The following FAT4 variants were observed in gnomAD, a reference collection of about 807,000 sequenced individuals.
The protein encoded by FAT4 is protocadherin Fat 4.
In FAT4, 84 loss-of-function variants were observed where a neutral mutation model predicts 303.9. The observed-to-expected ratio is 0.28, with a 90% CI of 0.23 to 0.33. The LOEUF is 0.33. FAT4 is among the 10% of genes least tolerant of loss of function. The probability of loss-of-function intolerance (pLI) is 1.00; values close to 1 mark genes in which losing one functional copy is unlikely to be tolerated. For synonymous variants in FAT4, 2,307 were observed against 2,298.8 expected (o/e 1.00, Z -0.10); for missense variants, 6,005 against 6,146.8 (o/e 0.98, Z 0.77).
At chr4:125,396,575 C>A (rs986737844) in intron 2 of FAT4, among the ~76,000 whole-genome samples, 1 of 152,006 alleles carries the variant, frequency 6.6e-6, no homozygotes, top group African/African-American at 2.4e-5. Flanking sequence ...CACATACTTA[C>A]ATAAACACAC....
At chr4:125,405,636 G>A (rs964530044) in intron 3 of FAT4, among the ~76,000 whole-genome samples, 2 of 151,588 alleles carry the variant, frequency 1.3e-5, no homozygotes, top group South Asian at 2.1e-4. Context: ...TCAGCCTCCC[G>A]AGTAGCTGGG....
In FAT4 at chr4:125,331,938, G is replaced by C. The variant is rs930574369; in HGVS notation, c.5175+10352G>C. Among the ~76,000 whole-genome samples, 4 of 152,180 alleles carry C rather than the reference G, an allele frequency of 2.6e-5. No individual in the cohort carries two copies. The South Asian group carries it at 6.2e-4, about 24-fold the overall frequency. On this transcript the variant is annotated intron_variant, in intron 2 of 17. Coordinates refer to ENST00000394329, the MANE Select transcript of FAT4 (RefSeq NM_001291303.3). ...CAGGCTTTTGATTTAAGAGAAGCTT[G>C]ATTCAGATGTTGTCACAGCTACTCT...
rs766243602 is a variant in FAT4 at position 125,317,791 on chromosome 4, C to T, written c.1380C>T (p.Ser460=). Residue 460 remains serine (S), a synonymous_variant, in exon 2 of 18, where the codon AGC becomes AGT. Transcript: ENST00000394329. This position sits in a 1 kb window ranked among gnomAD's most constrained non-coding sequence, Gnocchi z 7.0. The stretch of plus-strand genomic sequence containing the variant: ...TCCAGGCGCGCTCTTCTGTGGCAAG[C>T]CTGGTGATTTTTGTTAATGACATCA... The part of the protein sequence containing the change: ...AAVQARSSVA[S]LVIFVNDIND... 47 of 1,614,064 alleles carry T rather than the reference C, an allele frequency of 2.9e-5. No individual in the cohort carries two copies. The highest frequency in any genetic ancestry group is 3.8e-5 in the Non-Finnish European group (45 of 1,180,030).
At chr4:125,406,033 T>G (rs907560337) in intron 3 of FAT4, among the ~76,000 whole-genome samples, 6 of 152,152 alleles carry the variant, frequency 3.9e-5, no homozygotes, top group African/African-American at 1.4e-4. Context: ...TTGATATACT[T>G]TCACTTGTCT....
intron 11 of FAT4, among the ~76,000 whole-genome samples, chr4:125,467,392 A>G (rs183123705): frequency 6.6e-6 from 1 of 152,364 alleles, no homozygotes; most frequent in East Asian, 1.9e-4. Context: ...AGCCAAAATT[A>G]AGAAATGAAA....
intron 2 of FAT4, among the ~76,000 whole-genome samples, chr4:125,379,641 G>C (rs1733463454): frequency 6.6e-6 from 1 of 151,676 alleles, no homozygotes; most frequent in African/African-American, 2.4e-5. Flanking sequence ...TGTATTTTTA[G>C]TGGAGACATG....
In FAT4 at chr4:125,463,582, A is replaced by T. The variant is rs17009721; in HGVS notation, c.11820A>T (p.Ser3940=). The stretch of plus-strand genomic sequence containing the variant: ...TTTTAGGGAAAATGTGTGAATCTTC[A>T]GTCAATTACTGTGAATGCAACCCCT... The part of the protein sequence containing the change: ...TGYTGKMCES[S]VNYCECNPCF... The change falls in exon 11 of 18, where the codon TCA becomes TCT. Residue 3940 remains serine (S), a synonymous_variant. Coordinates refer to ENST00000394329, the MANE Select transcript of FAT4 (RefSeq NM_001291303.3). 3.2e-6 allele frequency: 5 copies of T among 1,585,670 alleles called. 1 individual carries two copies. Among genetic ancestry groups the T allele is most frequent in the Non-Finnish European group, 4.3e-6 (5 of 1,162,942 alleles).
At chr4:125,444,182 C>T (rs568190529) in intron 8 of FAT4, among the ~76,000 whole-genome samples, 3 of 152,200 alleles carry the variant, frequency 2.0e-5, no homozygotes, top group African/African-American at 7.2e-5. Context: ...GCTATAGCTA[C>T]AGACTGGGTA....
chr4:125,316,853 A>C lies in FAT4; in HGVS notation c.442A>C (p.Ser148Arg), dbSNP rs1164737344. ...TATCGTGGTCACTTTCAAGGAAGAC[A>C]GTAGCAGCGGACGCCAAGTCATCTT... ...PSIVVTFKEDSSSGRQVILDT... is the reference protein window; with the variant it reads ...PSIVVTFKEDRSSGRQVILDT... The change falls in exon 2 of 18, where the codon AGT (serine) becomes CGT (arginine). Residue 148 changes from serine to arginine, a missense_variant. By Grantham distance (110) the Ser-to-Arg change is moderately radical. Transcript: ENST00000394329. This position sits in a 1 kb window ranked among gnomAD's most constrained non-coding sequence, Gnocchi z 5.7. 6.2e-7 allele frequency: 1 copy of C among 1,614,110 alleles called. No individual in the cohort carries two copies. Among genetic ancestry groups the C allele is most frequent in the South Asian group, 1.1e-5 (1 of 91,076 alleles).
intron 12 of FAT4, among the ~76,000 whole-genome samples, chr4:125,470,366 C>T (rs1726814671): frequency 6.6e-6 from 1 of 152,168 alleles, no homozygotes; most frequent in African/African-American, 2.4e-5. Context: ...GAGAGTCAGC[C>T]TATCCTTTGA....
At chr4:125,337,381 T>C (rs1731615754) in intron 2 of FAT4, among the ~76,000 whole-genome samples, 1 of 152,084 alleles carries the variant, frequency 6.6e-6, no homozygotes, top group Non-Finnish European at 1.5e-5. Context: ...AAATTTATTT[T>C]TTAAGGGTTG....
In FAT4 at chr4:125,320,628, T is replaced by C; in HGVS notation, c.4217T>C (p.Val1406Ala). 1 of 1,614,060 alleles carries C rather than the reference T, an allele frequency of 6.2e-7. No individual in the cohort carries two copies. Residue 1406 changes from valine (V) to alanine (A), a missense_variant, in exon 2 of 18, where the codon GTG becomes GCG. Val to Ala is a moderately conservative substitution (Grantham distance 64). Coordinates refer to ENST00000394329, the MANE Select transcript of FAT4 (RefSeq NM_001291303.3). The part of the protein sequence containing the change: ...GRPPRSSTMS[V>A]VIHVRDFNDN... ...CCTCCTCGTTCATCTACAATGTCAG[T>C]GGTTATTCACGTGAGGGACTTTAAT...
In FAT4 at chr4:125,407,111, T is replaced by C. The variant is rs772015752; in HGVS notation, c.5539T>C (p.Ser1847Pro). 3.7e-6 allele frequency: 6 copies of C among 1,613,438 alleles called. No individual in the cohort carries two copies. The highest frequency in any genetic ancestry group is 5.1e-6 in the Non-Finnish European group (6 of 1,179,512). ...HTPKFSRPVY[S>P]FDIPEDTIPG... ...ACCCAAATTTTCCAGACCCGTGTAC[T>C]CTTTTGACATTCCTGAGGACACAAT... Residue 1847 changes from serine to proline, a missense_variant, in exon 4 of 18, where the codon TCT becomes CCT. Physicochemically the swap from Ser to Pro is moderately conservative, Grantham distance 74. Transcript: ENST00000394329.
Position 125,452,084 on chromosome 4 carries a change from C to T in FAT4, c.11074C>T (p.His3692Tyr), listed in dbSNP as rs749981245. ...DLTVLSNDGV[H>Y]STVTSNIRVF... The stretch of plus-strand genomic sequence containing the variant: ...GACTGTCCTTAGCAATGATGGAGTT[C>T]ACAGCACAGTCACGAGCAACATCCG... The change falls in exon 10 of 18, where the codon CAC becomes TAC. Residue 3692 changes from histidine to tyrosine, a missense_variant. Physicochemically the swap from His to Tyr is moderately conservative, Grantham distance 83. Coordinates refer to ENST00000394329, the MANE Select transcript of FAT4 (RefSeq NM_001291303.3). 14 of 1,614,042 alleles carry T rather than the reference C, an allele frequency of 8.7e-6. No individual in the cohort carries two copies. Among genetic ancestry groups the T allele is most frequent in the Admixed American group, 1.7e-5 (1 of 60,004 alleles).
chr4:125,317,651 G>C lies in FAT4; in HGVS notation c.1240G>C (p.Val414Leu). Residue 414 changes from valine to leucine, a missense_variant, in exon 2 of 18, where the codon GTG becomes CTG. By Grantham distance (32) the Val-to-Leu change is conservative (BLOSUM62 1). Coordinates refer to ENST00000394329, the MANE Select transcript of FAT4 (RefSeq NM_001291303.3). The surrounding 1 kb of genome is among the most constrained non-coding windows in gnomAD (Gnocchi z 7.0). Reference sequence around the variant, plus strand: ...CCACTTTGAAGTGCAAAGCAGCAAAGTGCCGAACCTGAGCCTAATCAAGGT... The same window carrying C: ...CCACTTTGAAGTGCAAAGCAGCAAACTGCCGAACCTGAGCCTAATCAAGGT... ...QRHFEVQSSK[V>L]PNLSLIKVAS... 6.2e-7 allele frequency: 1 copy of C among 1,614,102 alleles called. No individual in the cohort carries two copies. The highest frequency in any genetic ancestry group is 8.5e-7 in the Non-Finnish European group (1 of 1,180,018).
chr4:125,405,719 GT>G (rs201822549), intron 3 of FAT4, among the ~76,000 whole-genome samples: 9,192 of 151,924 alleles, frequency 0.061, 424 homozygotes, highest in East Asian at 0.19. Context: ...GGCCAGGATG[GT>G]CTCGATCTCC....
chr4:125,330,302 A>T (rs1160922780), intron 2 of FAT4, among the ~76,000 whole-genome samples: 2 of 152,112 alleles, frequency 1.3e-5, no homozygotes, highest in Non-Finnish European at 2.9e-5. Flanking sequence ...ATGCTGCCTG[A>T]TTTCCATTGC....
intron 10 of FAT4, among the ~76,000 whole-genome samples, chr4:125,458,245 T>A (rs1206383651): frequency 6.6e-6 from 1 of 152,052 alleles, no homozygotes; most frequent in Non-Finnish European, 1.5e-5. Context: ...TGAGGTTTGT[T>A]CATTCATCAC....
intron 2 of FAT4, among the ~76,000 whole-genome samples, chr4:125,347,233 T>G (rs1732039343): frequency 6.6e-6 from 1 of 150,644 alleles, no homozygotes; most frequent in Non-Finnish European, 1.5e-5. Context: ...ATGGCATATA[T>G]TATGTCTATG....
Sources: gnomAD v4.1 joint callset for allele counts (sites outside exome capture counted in the v4.1 genomes callset) on GRCh38, gnomAD v4.1.1 for gene constraint, Gnocchi (gnomAD v3.1) non-coding constraint, MANE v1.5 for transcripts, NCBI Gene and HGNC (gene_info 2026-07-23, HGNC 2026-07-21) for gene names.